KDM4C: variants seen among roughly 807,000 people sequenced by gnomAD.
KDM4C encodes lysine-specific demethylase 4C.
A neutral mutation model predicts 129.3 loss-of-function variants in KDM4C; 81 were observed. The ratio of observed to expected loss-of-function variants is 0.63; its 90% CI spans 0.52 to 0.75. The LOEUF is 0.75. Ranked by LOEUF, KDM4C falls within the 30% of genes least tolerant of loss-of-function variation. The probability of loss-of-function intolerance (pLI) is 0.00; values close to 1 mark genes in which losing one functional copy is unlikely to be tolerated. For synonymous variants in KDM4C, 573 were observed against 456.1 expected (o/e 1.26, Z -3.26); for missense variants, 1,457 against 1,304.0 (o/e 1.12, Z -1.81).
chr9:6,859,540 G>T (rs1350496366), intron 5 of KDM4C, among the ~76,000 whole-genome samples: 5 of 143,950 alleles, frequency 3.5e-5, no homozygotes, highest in African/African-American at 1.3e-4. Context: ...TCTCAAGTAG[G>T]TGGATTTTTT....
chr9:6,954,394 C>G (rs945939319), intron 8 of KDM4C, among the ~76,000 whole-genome samples: 8 of 152,056 alleles, frequency 5.3e-5, no homozygotes, highest in African/African-American at 1.9e-4. Context: ...TGCACAATTC[C>G]TGCACCCATC....
intron 2 of KDM4C, among the ~76,000 whole-genome samples, chr9:6,795,016 A>T (rs1305135441): frequency 1.3e-5 from 2 of 152,162 alleles, no homozygotes; most frequent in Admixed American, 1.3e-4. Flanking sequence ...TATTGTTCTA[A>T]ATGTTAAATT....
chr9:6,978,483 G>A (rs947194806), intron 8 of KDM4C: 1 of 152,136 alleles, frequency 6.6e-6, no homozygotes, highest in South Asian at 2.1e-4. Context: ...GACACATGGT[G>A]GCATGTTTCT....
intron 17 of KDM4C, among the ~76,000 whole-genome samples, chr9:7,064,515 C>G (rs1229229157): frequency 6.6e-6 from 1 of 152,130 alleles, no homozygotes; most frequent in African/African-American, 2.4e-5. Context: ...CAGGGTTGGT[C>G]AGGCTTGGTG....
rs918778929 is a variant in KDM4C at position 6,805,671 on chromosome 9, A to G, written c.217A>G (p.Ile73Val). ...DIDNLLIPAP[I>V]QQMVTGQSGL... is the part of the protein sequence containing the mutation. ...TGATAATTTGCTCATTCCAGCACCA[A>G]TTCAGCAGATGGTCACAGGGCAGTC... Residue 73 changes from isoleucine (I) to valine (V), a missense_variant, in exon 3 of 22, where the codon ATT becomes GTT. By Grantham distance (29) the Ile-to-Val change is conservative. Transcript: ENST00000381309. 1.9e-6 allele frequency: 3 copies of G among 1,614,128 alleles called. No individual in the cohort carries two copies. Among genetic ancestry groups the G allele is most frequent in the Admixed American group, 1.7e-5 (1 of 60,014 alleles).
At chr9:7,151,516 TA>T (rs1250210073) in intron 19 of KDM4C, among the ~76,000 whole-genome samples, 2 of 151,368 alleles carry the variant, frequency 1.3e-5, no homozygotes, top group Admixed American at 6.6e-5. Context: ...TCTCTACTTT[TA>T]AAAAAAAATT....
In KDM4C at chr9:6,747,225, C is replaced by A. The variant is rs7857738; in HGVS notation, c.49+26228C>A. Reference sequence around the variant, plus strand: ...CCAAACCAACCAACCAACCAACCAACCAAAGAACCTGAGAACAATTTAAGA... The same window carrying A: ...CCAAACCAACCAACCAACCAACCAAACAAAGAACCTGAGAACAATTTAAGA... On this transcript the variant is annotated intron_variant, in intron 1 of 17. Transcript: ENST00000536108. Among the ~76,000 whole-genome samples, 12 of 150,966 alleles carry A rather than the reference C, an allele frequency of 7.9e-5. No individual in the cohort carries two copies. In the South Asian group the frequency reaches 8.4e-4, roughly 11 times the overall value.
intron 19 of KDM4C, among the ~76,000 whole-genome samples, chr9:7,153,921 A>G (rs1430035504): frequency 1.3e-5 from 2 of 152,150 alleles, no homozygotes; most frequent in African/African-American, 4.8e-5. Flanking sequence ...ACTGGACCTA[A>G]CCTCTGCTGT....
intron 3 of KDM4C, among the ~76,000 whole-genome samples, chr9:6,810,025 A>G (rs897889360): frequency 3.3e-5 from 5 of 151,032 alleles, no homozygotes; most frequent in African/African-American, 7.2e-5. Context: ...ATAGCCATAT[A>G]TAACTTTAAC....
At chr9:6,747,768 C>G (rs1817931062) in intron 1 of KDM4C, among the ~76,000 whole-genome samples, 1 of 152,202 alleles carries the variant, frequency 6.6e-6, no homozygotes, top group Admixed American at 6.6e-5. Flanking sequence ...AGAGCAGGGC[C>G]TTTGCTGCTT....
chr9:6,886,106 C>G (rs1450387286), intron 6 of KDM4C, among the ~76,000 whole-genome samples: 1 of 152,196 alleles, frequency 6.6e-6, no homozygotes, highest in Non-Finnish European at 1.5e-5. Context: ...CATTTGGGGA[C>G]TGCCCCTTGG....
At chr9:6,933,758 G>T (rs1488744567) in intron 8 of KDM4C, among the ~76,000 whole-genome samples, 1 of 152,300 alleles carries the variant, frequency 6.6e-6, no homozygotes, top group East Asian at 1.9e-4. Context: ...GAAAGATACT[G>T]TGAGGGCAAA....
intron 5 of KDM4C, among the ~76,000 whole-genome samples, chr9:6,872,949 A>G (rs1480236246): frequency 6.6e-6 from 1 of 152,136 alleles, no homozygotes; most frequent in African/African-American, 2.4e-5. Context: ...TCTTTAAGAC[A>G]GAGTTTCGCT....
intron 1 of KDM4C, among the ~76,000 whole-genome samples, chr9:6,790,046 G>A (rs1826231690): frequency 6.6e-6 from 1 of 151,012 alleles, no homozygotes; most frequent in Non-Finnish European, 1.5e-5. Context: ...GGCCGAGGCG[G>A]GTGGGATCGC....
In KDM4C at chr9:7,011,721, G is replaced by C. The variant is rs958673921; in HGVS notation, c.1810G>C (p.Glu604Gln). The C allele has an allele frequency of 2.5e-6, 4 of 1,614,134 alleles. No homozygotes were observed. The African/African-American group carries it at 4.0e-5, about 16-fold the overall frequency. ...DEELPEVLSI[E>Q]EEVEETESWA... Reference sequence around the variant, plus strand: ...AGAATTGCCTGAGGTTCTGTCCATTGAGGAGGAAGTGGAAGAAACAGAGTC... The same window carrying C: ...AGAATTGCCTGAGGTTCTGTCCATTCAGGAGGAAGTGGAAGAAACAGAGTC... The change falls in exon 13 of 22, where the codon GAG becomes CAG. Residue 604 changes from glutamate (E) to glutamine (Q), a missense_variant. Coordinates refer to ENST00000381309, the MANE Select transcript of KDM4C (RefSeq NM_015061.6).
At chr9:6,858,318 C>CT (rs1412728151) in intron 5 of KDM4C, among the ~76,000 whole-genome samples, 3 of 151,472 alleles carry the variant, frequency 2.0e-5, no homozygotes, top group East Asian at 1.9e-4. Flanking sequence ...CTTGCTGAAT[C>CT]TTTTTTGCTA....
intron 8 of KDM4C, among the ~76,000 whole-genome samples, chr9:6,903,121 A>C (rs1446483520): frequency 1.3e-5 from 2 of 152,164 alleles, no homozygotes; most frequent in African/African-American, 4.8e-5. Context: ...AGTTTCTATT[A>C]ACTGTTTAAA....
intron 17 of KDM4C, among the ~76,000 whole-genome samples, chr9:7,058,218 A>G (rs891398005): frequency 1.3e-5 from 2 of 152,158 alleles, no homozygotes; most frequent in African/African-American, 4.8e-5. Flanking sequence ...TGGGGGATAA[A>G]TCACTGTTTG....
intron 1 of KDM4C, among the ~76,000 whole-genome samples, chr9:6,774,992 G>GGTTT: frequency 1.3e-5 from 2 of 152,036 alleles, no homozygotes; most frequent in Non-Finnish European, 2.9e-5. Flanking sequence ...TTAGTTTAAG[G>GGTTT]CTTTCTGAGA....
Sources: gnomAD v4.1 joint callset for allele counts (sites outside exome capture counted in the v4.1 genomes callset) on GRCh38, gnomAD v4.1.1 for gene constraint, MANE v1.5 for transcripts, NCBI Gene and HGNC (gene_info 2026-07-23, HGNC 2026-07-21) for gene names.